The following PPFIA2 variants were observed in gnomAD, a reference collection of about 807,000 sequenced individuals.
PPFIA2 encodes PPFI scaffold protein A2.
Under a neutral mutation model 175.5 loss-of-function variants are expected in PPFIA2, and 46 were observed. The ratio of observed to expected loss-of-function variants is 0.26; its 90% CI spans 0.21 to 0.34. The LOEUF is 0.34. Ranked by LOEUF, PPFIA2 falls within the 10% of genes least tolerant of loss-of-function variation. The pLI is 1.00. For missense variants in PPFIA2, 1,179 were observed against 1,506.1 expected (o/e 0.78, Z 3.60); for synonymous variants, 568 against 511.4 (o/e 1.11, Z -1.49).
At chr12:81,366,544 T>C (rs1428781775) in intron 14 of PPFIA2, among the ~76,000 whole-genome samples, 1 of 151,684 alleles carries the variant, frequency 6.6e-6, no homozygotes, top group African/African-American at 2.4e-5. Flanking sequence ...CTTTCCTACC[T>C]GTAGCTCTTA....
At chr12:81,374,874 G>A in intron 10 of PPFIA2, 106 bp from the exon 11 acceptor site, 4 of 1,026,476 alleles carry the variant, frequency 3.9e-6, no homozygotes, top group Non-Finnish European at 5.6e-6. Flanking sequence ...ATTTAAATCA[G>A]CCACTACCAC....
At chr12:81,472,061 C>T (rs1025822880) in intron 4 of PPFIA2, among the ~76,000 whole-genome samples, 4 of 151,994 alleles carry the variant, frequency 2.6e-5, no homozygotes, top group Non-Finnish European at 5.9e-5. Flanking sequence ...AATATGGATG[C>T]TCCTTGAAAA....
chr12:81,408,692 G>A (rs2043357677), intron 7 of PPFIA2, among the ~76,000 whole-genome samples: 1 of 152,172 alleles, frequency 6.6e-6, no homozygotes. Flanking sequence ...TAAACTTCAA[G>A]TTTGCTACAG....
intron 22 of PPFIA2, among the ~76,000 whole-genome samples, chr12:81,324,496 G>T (rs2054332310): frequency 6.6e-6 from 1 of 151,878 alleles, no homozygotes; most frequent in Non-Finnish European, 1.5e-5. Context: ...GTCAGGCTGG[G>T]TTTTGATCAT....
At chr12:81,341,766 T>C (rs981869074) in intron 19 of PPFIA2, among the ~76,000 whole-genome samples, 2 of 152,114 alleles carry the variant, frequency 1.3e-5, no homozygotes, top group African/African-American at 2.4e-5. Flanking sequence ...CATCAGAATA[T>C]AAACTCTTTA....
At chr12:81,454,823 A>ATATTT (rs1435419014) in intron 5 of PPFIA2, among the ~76,000 whole-genome samples, 2 of 152,146 alleles carry the variant, frequency 1.3e-5, no homozygotes, top group Admixed American at 1.3e-4. Context: ...ATTACACTTT[A>ATATTT]TATTTTATTT....
At position 81,758,394 on chromosome 12, in the gene PPFIA2, C is replaced by T. The variant is rs2085029887; in HGVS notation, c.-3+6G>A. 4.4e-6 allele frequency: 2 copies of T among 456,442 alleles called. No homozygotes were observed. Among genetic ancestry groups the T allele is most frequent in the Non-Finnish European group, 8.8e-6 (2 of 226,810 alleles). 28.3% of individuals were successfully genotyped at this position (456,442 alleles called of 1,614,324 possible). On this transcript the variant is annotated splice_donor_region_variant and intron_variant, in intron 2 of 32. Transcript: ENST00000549396. The stretch of plus-strand genomic sequence containing the variant: ...AGACAGTAAAACTCAAAGACAGCTT[C>T]TGTACCTAATGTCTGTGATTTCGGG...
chr12:81,582,386 A>G (rs1265320984), intron 4 of PPFIA2, among the ~76,000 whole-genome samples: 1 of 151,780 alleles, frequency 6.6e-6, no homozygotes, highest in Non-Finnish European at 1.5e-5. Context: ...TTTCATATTA[A>G]ATATTTCTCT....
At chr12:81,457,637 T>C (rs1423590303) in intron 5 of PPFIA2, 128 bp downstream of exon 5, 2 of 531,008 alleles carry the variant, frequency 3.8e-6, no homozygotes, top group East Asian at 6.3e-5. Flanking sequence ...TTTAAGTAAC[T>C]GAGTTACTAT....
At chr12:81,297,147 T>C (rs568700613) in intron 23 of PPFIA2, among the ~76,000 whole-genome samples, 1 of 152,204 alleles carries the variant, frequency 6.6e-6, no homozygotes, top group South Asian at 2.1e-4. Context: ...CCTGACCATA[T>C]GAATGAGCAT....
chr12:81,485,487 A>G (rs2058713655), intron 4 of PPFIA2, among the ~76,000 whole-genome samples: 1 of 151,774 alleles, frequency 6.6e-6, no homozygotes, highest in South Asian at 2.1e-4. Context: ...TACTTTCCCC[A>G]AATAACTCAC....
intron 4 of PPFIA2, among the ~76,000 whole-genome samples, chr12:81,629,126 A>C (rs1164305476): frequency 6.6e-6 from 1 of 152,186 alleles, no homozygotes; most frequent in Non-Finnish European, 1.5e-5. Context: ...AAATGAGATC[A>C]TACGAGCTTT....
rs546139161 is a variant in PPFIA2 at position 81,368,650 on chromosome 12, A to G, written c.1482+75T>C. 120 of 1,395,072 alleles carry G rather than the reference A, an allele frequency of 8.6e-5. No homozygotes were observed. In the African/African-American group the frequency reaches 1.6e-3, roughly 18 times the overall value. The allele number at this position is 1,395,072 out of a possible 1,614,324, so 86.4% of individuals were successfully genotyped here. A position where few individuals can be genotyped will look rare whatever the true frequency, so the allele number is the denominator to read the frequency against. ...GTAAATGGATCATCTGACCATTACA[A>G]TGATTGCAGCTGTATATAAAACAAA... On this transcript the variant is annotated intron_variant, in intron 13 of 32. Coordinates refer to ENST00000549396, the MANE Select transcript of PPFIA2 (RefSeq NM_003625.5).
At chr12:81,549,163 A>G (rs2067471245) in intron 4 of PPFIA2, among the ~76,000 whole-genome samples, 1 of 151,940 alleles carries the variant, frequency 6.6e-6, no homozygotes, top group Non-Finnish European at 1.5e-5. Context: ...GAGCGTTGGC[A>G]TGTATATTTA....
At chr12:81,415,844 A>G (rs1391297501) in intron 7 of PPFIA2, among the ~76,000 whole-genome samples, 1 of 151,460 alleles carries the variant, frequency 6.6e-6, no homozygotes, top group East Asian at 1.9e-4. Flanking sequence ...ATTGTTATTA[A>G]CATGTAATTC....
intron 7 of PPFIA2, among the ~76,000 whole-genome samples, chr12:81,416,530 C>T (rs771659001): frequency 4.6e-5 from 7 of 151,632 alleles, no homozygotes; most frequent in Non-Finnish European, 1.0e-4. Context: ...TAACTTCTCA[C>T]CTCCTTGAAC....
In PPFIA2 at chr12:81,341,134, A is replaced by G; in HGVS notation, c.2337T>C (p.Pro779=). 3.7e-6 allele frequency: 6 copies of G among 1,611,466 alleles called. No individual in the cohort carries two copies. The highest frequency in any genetic ancestry group is 5.1e-6 in the Non-Finnish European group (6 of 1,178,056). Residue 779 remains proline, a synonymous_variant, in exon 20 of 33, where the codon CCT becomes CCC. Transcript: ENST00000549396. ...GAGTGTGAGTCATTCTGAGGGCTCT[A>G]GGGGTAGGAGGAGGAGAAGTTTCAC... is the stretch of plus-strand genomic sequence containing the variant. ...IKCETSPPPT[P]RALRMTHTLP...
At chr12:81,375,323 A>G (rs1459909878) in intron 10 of PPFIA2, among the ~76,000 whole-genome samples, 1 of 152,152 alleles carries the variant, frequency 6.6e-6, no homozygotes, top group African/African-American at 2.4e-5. Context: ...TATTAACAAG[A>G]GCAGGCAACC....
intron 6 of PPFIA2, among the ~76,000 whole-genome samples, chr12:81,444,084 G>A (rs2050775395): frequency 6.6e-6 from 1 of 151,482 alleles, no homozygotes; most frequent in Non-Finnish European, 1.5e-5. Context: ...TCGATCTCCT[G>A]ACCTCGTGAT....
Sources: gnomAD v4.1 joint callset for allele counts (sites outside exome capture counted in the v4.1 genomes callset) on GRCh38, gnomAD v4.1.1 for gene constraint, MANE v1.5 for transcripts, NCBI Gene and HGNC (gene_info 2026-07-23, HGNC 2026-07-21) for gene names.